Variants in AK9 observed in about 807,000 individuals in gnomAD.
The protein encoded by AK9 is adenylate kinase 9.
A neutral mutation model predicts 239.6 loss-of-function variants in AK9; 191 were observed. The observed-to-expected ratio is 0.80, with a 90% CI of 0.71 to 0.90. AK9 has a LOEUF of 0.90. Ranked by LOEUF, AK9 falls within the 40% of genes least tolerant of loss-of-function variation. The pLI is 0.00. For missense variants in AK9, 1,995 were observed against 2,214.7 expected (o/e 0.90, Z 1.99); for synonymous variants, 689 against 721.0 (o/e 0.96, Z 0.71).
Position 109,614,275 on chromosome 6 carries a change from C to G in AK9, c.1517G>C (p.Arg506Thr). Residue 506 changes from arginine (R) to threonine (T), a missense_variant, in exon 15 of 41, where the codon AGG becomes ACG. Around this residue, in one of 5 missense-constraint regions of AK9, gnomAD observed 1,290 missense variants for 1,392.7 expected, o/e 0.93. Coordinates refer to ENST00000424296, the MANE Select transcript of AK9 (RefSeq NM_001145128.3). ...GTCCACTAAAGAGCTGCCTCTGTCC[C>G]TTTGGGAGCCTTGAATGTACCCTGC... ...DEEGYIQGSQ[R>T]DRGSSLVDTE... is the part of the protein sequence containing the mutation. The G allele has an allele frequency of 6.4e-7, 1 of 1,551,392 alleles. No individual in the cohort carries two copies. The highest frequency in any genetic ancestry group is 1.2e-5 in the South Asian group (1 of 84,038).
At chr6:109,620,020 T>G (rs185766072) in intron 12 of AK9, among the ~76,000 whole-genome samples, 8 of 152,280 alleles carry the variant, frequency 5.3e-5, no homozygotes, top group South Asian at 4.1e-4. Context: ...TGGATTTCAT[T>G]GTATGAATAT....
chr6:109,632,888 T>TAGATAGAC (rs1562522220), intron 12 of AK9, 35 bp downstream of exon 12: 4 of 1,593,382 alleles, frequency 2.5e-6, no homozygotes, highest in Non-Finnish European at 3.4e-6. Context: ...GATAGATAGA[T>TAGATAGAC]AGATAGATAG....
chr6:109,623,321 C>T (rs935414981), intron 12 of AK9, among the ~76,000 whole-genome samples: 12 of 152,154 alleles, frequency 7.9e-5, no homozygotes, highest in African/African-American at 1.4e-4. Flanking sequence ...AAATAGAGTA[C>T]GATGCAAGTG....
chr6:109,650,683 G>A lies in AK9; in HGVS notation c.760-5995C>T, dbSNP rs572063888. 3.0e-4 allele frequency among the ~76,000 whole-genome samples: 45 copies of A among 152,280 alleles called. 1 individual carries two copies. The highest frequency in any genetic ancestry group is 2.6e-3 in the Admixed American group (40 of 15,292). Reference sequence around the variant, plus strand: ...TGAAAGTCAGTGTTGTGATTCCTCAGGGATCTAGAACTGGAAATACCATTT... The same window carrying A: ...TGAAAGTCAGTGTTGTGATTCCTCAAGGATCTAGAACTGGAAATACCATTT... On this transcript the variant is annotated intron_variant, in intron 8 of 40. Transcript: ENST00000424296.
chr6:109,649,332 T>G (rs7765908), intron 8 of AK9, among the ~76,000 whole-genome samples: 1 of 150,594 alleles, frequency 6.6e-6, no homozygotes, highest in African/African-American at 2.4e-5. Context: ...TGATTGCATA[T>G]CTAGAAAACC....
intron 21 of AK9, among the ~76,000 whole-genome samples, chr6:109,573,096 C>T (rs1353902466): frequency 6.6e-6 from 1 of 151,840 alleles, no homozygotes; most frequent in Non-Finnish European, 1.5e-5. Context: ...CATTAAATAG[C>T]AAACAAAAAA....
chr6:109,493,204 C>T lies in AK9; in HGVS notation c.*165G>A, dbSNP rs551221904. 2 of 638,752 alleles carry T rather than the reference C, an allele frequency of 3.1e-6. No homozygotes were observed. The highest frequency in any genetic ancestry group is 1.8e-5 in the African/African-American group (1 of 54,814). The allele number at this position is 638,752 out of a possible 1,614,324, so 39.6% of individuals were successfully genotyped here. ...CTTGTTTCCATAAGAGTGCTCCTTC[C>T]TGGCTGGCAGACCTTTGAGTTCACC... On this transcript the variant is annotated 3_prime_UTR_variant, in exon 41 of 41. Coordinates refer to ENST00000424296, the MANE Select transcript of AK9 (RefSeq NM_001145128.3).
In AK9 at chr6:109,509,966, C is replaced by T. The variant is rs192712614; in HGVS notation, c.4280-586G>A. Among the ~76,000 whole-genome samples the T allele has an allele frequency of 5.4e-4, 82 of 152,248 alleles. No individual in the cohort carries two copies. In the East Asian group the frequency reaches 0.012, roughly 23 times the overall value. Reference sequence around the variant, plus strand: ...AGGGGTGTCTGCTCCCGCTGCCTGGCCTCTCTCTGCTCCTGGCCCTACTCC... The same window carrying T: ...AGGGGTGTCTGCTCCCGCTGCCTGGTCTCTCTCTGCTCCTGGCCCTACTCC... On this transcript the variant is annotated intron_variant, in intron 32 of 40. Coordinates refer to ENST00000424296, the MANE Select transcript of AK9 (RefSeq NM_001145128.3).
Position 109,574,221 on chromosome 6 carries a change from A to G in AK9, c.2192-627T>C, listed in dbSNP as rs1013464613. 2.6e-5 allele frequency among the ~76,000 whole-genome samples: 4 copies of G among 152,168 alleles called. No homozygotes were observed. The South Asian group carries it at 8.3e-4, about 32-fold the overall frequency. ...TATATTAAATGTAAATACAAAATAC[A>G]AAAATTAGCTGGGTGTGGTGGCACA... is the stretch of plus-strand genomic sequence containing the variant. On this transcript the variant is annotated intron_variant, in intron 20 of 40. Transcript: ENST00000424296.
chr6:109,577,944 T>C (rs1002752811), intron 20 of AK9, among the ~76,000 whole-genome samples: 2 of 149,068 alleles, frequency 1.3e-5, no homozygotes, highest in Non-Finnish European at 3.0e-5. Context: ...TCTTTCTCTT[T>C]TTTTTTTTCT....
rs1309892071 is a variant in AK9, at chr6:109,564,799, T to G, written c.2391A>C (p.Lys797Asn). The part of the protein sequence containing the change: ...EETTVETEIP[K>N]GSKEGLEIEK... ...CAATTTCCAGGCCCTCTTTGGATCC[T>G]TTTGGGATTTCTGTTTCCACTGTAG... Residue 797 changes from lysine to asparagine, a missense_variant, in exon 22 of 41, where the codon AAA becomes AAC. Lys to Asn is a moderately conservative substitution (Grantham distance 94, BLOSUM62 0). Coordinates refer to ENST00000424296, the MANE Select transcript of AK9 (RefSeq NM_001145128.3). The G allele has an allele frequency of 6.5e-6, 10 of 1,546,456 alleles. No individual in the cohort carries two copies. The highest frequency in any genetic ancestry group is 8.7e-6 in the Non-Finnish European group (10 of 1,144,598).
intron 5 of AK9, among the ~76,000 whole-genome samples, chr6:109,671,205 G>A (rs887261707): frequency 6.6e-6 from 1 of 152,082 alleles, no homozygotes; most frequent in African/African-American, 2.4e-5. Context: ...TAGTTACAAT[G>A]TCTTCTTCTA....
chr6:109,495,507 C>T (rs1215969354), intron 38 of AK9, 67 bp from the exon 39 acceptor site: 3 of 1,143,348 alleles, frequency 2.6e-6, no homozygotes, highest in Non-Finnish European at 3.7e-6. Flanking sequence ...TAGGAATAGA[C>T]AAGAGACTAT....
intron 1 of AK9, among the ~76,000 whole-genome samples, chr6:109,678,831 G>A (rs1307891733): frequency 2.0e-5 from 3 of 151,960 alleles, no homozygotes; most frequent in South Asian, 2.1e-4. Context: ...GTGAGGCATC[G>A]CCTCACCCAG....
chr6:109,665,186 C>T (rs567493203), intron 5 of AK9, among the ~76,000 whole-genome samples: 1 of 152,318 alleles, frequency 6.6e-6, no homozygotes, highest in African/African-American at 2.4e-5. Context: ...GAGAAGCAAT[C>T]CTACCTAATT....
chr6:109,679,567 A>G (rs1447473140), intron 1 of AK9, among the ~76,000 whole-genome samples: 1 of 152,160 alleles, frequency 6.6e-6, no homozygotes, highest in Non-Finnish European at 1.5e-5. Flanking sequence ...AGCTCTGAAG[A>G]GAGCAGGGGA....
At chr6:109,574,236 G>A (rs1787784208) in intron 20 of AK9, among the ~76,000 whole-genome samples, 2 of 152,160 alleles carry the variant, frequency 1.3e-5, no homozygotes, top group Admixed American at 1.3e-4. Flanking sequence ...TTAGCTGGGT[G>A]TGGTGGCACA....
intron 6 of AK9, among the ~76,000 whole-genome samples, chr6:109,662,256 A>C (rs897853761): frequency 5.3e-5 from 8 of 152,160 alleles, no homozygotes; most frequent in African/African-American, 1.9e-4. Context: ...GGAGTGACAG[A>C]AAGAGAGGTG....
At chr6:109,549,965 A>G (rs1784156103) in intron 25 of AK9, 125 bp downstream of exon 25, 1 of 1,076,158 alleles carries the variant, frequency 9.3e-7, no homozygotes, top group Non-Finnish European at 1.3e-6. Context: ...CGCCCGGCCT[A>G]GATATTTTCT....
Sources: gnomAD v4.1 joint callset for allele counts (sites outside exome capture counted in the v4.1 genomes callset) on GRCh38, gnomAD v4.1.1 for gene constraint, gnomAD v4.1.1 regional missense constraint, MANE v1.5 for transcripts, NCBI Gene and HGNC (gene_info 2026-07-23, HGNC 2026-07-21) for gene names.